ARHGAP25: variants seen among roughly 807,000 people sequenced by gnomAD.
ARHGAP25 encodes the protein rho GTPase-activating protein 25.
Under a neutral mutation model 71.0 loss-of-function variants are expected in ARHGAP25, and 34 were observed. That is an observed-to-expected ratio of 0.48 (90% CI 0.36 to 0.64). The LOEUF (loss-of-function observed/expected upper bound fraction) is 0.64. Among genes scored for constraint, ARHGAP25 ranks in the 30% least tolerant of loss-of-function variants. The pLI, the probability that ARHGAP25 is intolerant of heterozygous loss-of-function variation, is 0.00. For missense variants in ARHGAP25, 706 were observed against 805.1 expected (o/e 0.88, Z 1.49); for synonymous variants, 282 against 296.5 (o/e 0.95, Z 0.50).
At chr2:68,815,443 C>CTTTTTTTTTTTTTTTTT (rs796100406) in intron 6 of ARHGAP25, among the ~76,000 whole-genome samples, 1 of 62,290 alleles carries the variant, frequency 1.6e-5, no homozygotes, top group African/African-American at 6.6e-5. Flanking sequence ...TGTGTACTCT[C>CTTTTTTTTTTTTTTTTT]TTTTTTTTTT....
intron 4 of ARHGAP25, among the ~76,000 whole-genome samples, chr2:68,797,096 A>T (rs1679607542): frequency 6.6e-6 from 1 of 152,122 alleles, no homozygotes. Flanking sequence ...TGGGTTGTGG[A>T]ACACCCAGGA....
intron 2 of ARHGAP25, among the ~76,000 whole-genome samples, chr2:68,725,566 A>G (rs1161790528): frequency 6.6e-6 from 1 of 152,080 alleles, no homozygotes; most frequent in Admixed American, 6.6e-5. Context: ...CCTGGGCTCA[A>G]GTCATCCTCC....
intron 1 of ARHGAP25, among the ~76,000 whole-genome samples, chr2:68,750,269 C>T (rs1676079912): frequency 6.6e-6 from 1 of 151,860 alleles, no homozygotes. Flanking sequence ...CCTTGGCCTC[C>T]CCAAGTGGTG....
intron 10 of ARHGAP25, among the ~76,000 whole-genome samples, chr2:68,825,391 G>A (rs12614124): frequency 0.22 from 34,198 of 152,038 alleles, 4,619 homozygotes; most frequent in East Asian, 0.42. Flanking sequence ...TCCTTTCAAA[G>A]ACTTTGTTAT....
chr2:68,819,421 T>C, intron 9 of ARHGAP25, 102 bp downstream of exon 9: 1 of 1,226,546 alleles, frequency 8.2e-7, no homozygotes, highest in Non-Finnish European at 1.2e-6. Flanking sequence ...GAGTTTTAGG[T>C]GATGCAGTGG....
intron 9 of ARHGAP25, among the ~76,000 whole-genome samples, chr2:68,821,887 T>G (rs1681695816): frequency 6.6e-6 from 1 of 150,680 alleles, no homozygotes; most frequent in Admixed American, 6.6e-5. Context: ...CTGATATGCA[T>G]TGCAAATACT....
chr2:68,771,316 G>A (rs554977150), intron 1 of ARHGAP25, among the ~76,000 whole-genome samples: 3 of 152,130 alleles, frequency 2.0e-5, no homozygotes, highest in East Asian at 1.9e-4. Flanking sequence ...CCAACCCTCC[G>A]CCTGGTTCAG....
chr2:68,780,274 G>T (rs1678229922), intron 2 of ARHGAP25, among the ~76,000 whole-genome samples: 1 of 152,184 alleles, frequency 6.6e-6, no homozygotes, highest in Admixed American at 6.5e-5. Context: ...CTGATGAAAT[G>T]ATTTTGGGTG....
intron 2 of ARHGAP25, among the ~76,000 whole-genome samples, chr2:68,722,637 T>A (rs771300026): frequency 1.1e-4 from 16 of 150,660 alleles, no homozygotes; most frequent in Non-Finnish European, 2.2e-4. Flanking sequence ...TTTTTATATA[T>A]AAGAAGTAAA....
intron 2 of ARHGAP25, among the ~76,000 whole-genome samples, chr2:68,778,332 G>C (rs373279523): frequency 2.0e-5 from 3 of 151,690 alleles, no homozygotes; most frequent in East Asian, 3.9e-4. Flanking sequence ...TACAACAGAA[G>C]ATGATGTATA....
At position 68,771,146 on chromosome 2, in the gene ARHGAP25, A is replaced by G. The variant is rs111739834; in HGVS notation, c.62-4075A>G. Among the ~76,000 whole-genome samples the G allele has an allele frequency of 9.5e-4, 144 of 152,322 alleles. 1 individual carries two copies. Among genetic ancestry groups the G allele is most frequent in the African/African-American group, 3.2e-3 (132 of 41,570 alleles). On this transcript the variant is annotated intron_variant, in intron 1 of 10. Transcript: ENST00000409202. ...TGGTTAGTGGCTACTGTACTAGACA[A>G]TGCAGTGCTAGGGGCTTGCTCATCC...
intron 1 of ARHGAP25, among the ~76,000 whole-genome samples, chr2:68,753,144 A>G (rs1411456333): frequency 6.6e-6 from 1 of 152,168 alleles, no homozygotes; most frequent in Non-Finnish European, 1.5e-5. Context: ...ATTTATCTGT[A>G]TCTAGATTAA....
In ARHGAP25 at chr2:68,826,087, C is replaced by CT; in HGVS notation, c.1834_1835insT (p.Arg612LeufsTer11). 6.2e-7 allele frequency: 1 copy of CT among 1,614,030 alleles called. No homozygotes were observed. ...GTCTGCAGCCCTAGAGATCAGCCTC[C>CT]GCAACATGGAGCGCTCCCGGGAGGA... is the stretch of plus-strand genomic sequence containing the variant. On this transcript the variant is annotated frameshift_variant, in exon 11 of 11. Coordinates refer to ENST00000409202, the MANE Select transcript of ARHGAP25 (RefSeq NM_001007231.3). LOFTEE classifies it high-confidence loss of function.
rs139129688 is a variant in ARHGAP25 at position 68,779,989 on chromosome 2, G to A, written c.262-2244G>A. Among the ~76,000 whole-genome samples the A allele has an allele frequency of 1.7e-3, 265 of 152,354 alleles. 2 individuals are homozygous for A. The highest frequency in any genetic ancestry group is 6.2e-3 in the African/African-American group (256 of 41,582). ...TTCTCTCAGCAAGTGGGACTTGTAAGTAAAGCCTTATTTGTAATTCTGGAA... is the reference window on the plus strand; with the variant it reads ...TTCTCTCAGCAAGTGGGACTTGTAAATAAAGCCTTATTTGTAATTCTGGAA... On this transcript the variant is annotated intron_variant, in intron 2 of 10. Coordinates refer to ENST00000409202, the MANE Select transcript of ARHGAP25 (RefSeq NM_001007231.3).
rs139616332 is a variant in ARHGAP25, at chr2:68,791,759, G to C, written c.466+3803G>C. Among the ~76,000 whole-genome samples the C allele has an allele frequency of 1.1e-4, 16 of 152,154 alleles. No homozygotes were observed. The East Asian group carries it at 3.1e-3, about 29-fold the overall frequency. On this transcript the variant is annotated intron_variant, in intron 4 of 10. Transcript: ENST00000409202. Reference sequence around the variant, plus strand: ...CTTCTGGCTTGCCGTCCCCTTTTGGGCTCCTTTTCTCCCTTGACTGGAGAG... The same window carrying C: ...CTTCTGGCTTGCCGTCCCCTTTTGGCCTCCTTTTCTCCCTTGACTGGAGAG...
intron 1 of ARHGAP25, among the ~76,000 whole-genome samples, chr2:68,755,822 G>A (rs1676450231): frequency 1.3e-5 from 2 of 152,288 alleles, no homozygotes; most frequent in Non-Finnish European, 1.5e-5. Context: ...AGCACACGGA[G>A]CAAATCCCTT....
At chr2:68,780,974 T>C (rs1210841703) in intron 2 of ARHGAP25, among the ~76,000 whole-genome samples, 1 of 152,202 alleles carries the variant, frequency 6.6e-6, no homozygotes, top group Non-Finnish European at 1.5e-5. Context: ...CAGTGCGCAC[T>C]AACGATGTTA....
chr2:68,818,160 T>C (rs1458312748), intron 8 of ARHGAP25, among the ~76,000 whole-genome samples, 166 bp downstream of exon 8: 1 of 152,184 alleles, frequency 6.6e-6, no homozygotes, highest in East Asian at 1.9e-4. Context: ...AGGAATTGTG[T>C]CCATTTTTCA....
intron 2 of ARHGAP25, among the ~76,000 whole-genome samples, chr2:68,717,204 C>G (rs1674633402): frequency 6.6e-6 from 1 of 152,170 alleles, no homozygotes; most frequent in Admixed American, 6.5e-5. Flanking sequence ...CTAAACATAT[C>G]TAAACATAGA....
Sources: allele counts gnomAD v4.1 joint callset (sites outside exome capture counted in the v4.1 genomes callset), GRCh38; gene constraint gnomAD v4.1.1; transcripts MANE v1.5; gene names NCBI Gene and HGNC (gene_info 2026-07-23, HGNC 2026-07-21).